Variants in KALRN observed in about 807,000 individuals in gnomAD.
KALRN encodes kalirin RhoGEF kinase, also known as kalirin.
A neutral mutation model predicts 353.7 loss-of-function variants in KALRN; 70 were observed. The ratio of observed to expected loss-of-function variants is 0.20; its 90% CI spans 0.16 to 0.24. The LOEUF (loss-of-function observed/expected upper bound fraction) is 0.24, where lower values mean the gene tolerates loss of function less well. Among genes scored for constraint, KALRN ranks in the 10% least tolerant of loss-of-function variants. The pLI, the probability that KALRN is intolerant of heterozygous loss-of-function variation, is 1.00. For missense variants in KALRN, 2,791 were observed against 3,756.7 expected (o/e 0.74, Z 6.72); for synonymous variants, 1,391 against 1,434.8 (o/e 0.97, Z 0.69).
chr3:124,137,051 GT>G (rs922686045), intron 1 of KALRN, among the ~76,000 whole-genome samples: 35 of 137,830 alleles, frequency 2.5e-4, no homozygotes, highest in African/African-American at 8.7e-4. Context: ...GGAATGGTGT[GT>G]TTGGGAGAGG....
At chr3:124,616,589 T>C (rs28645918) in intron 34 of KALRN, among the ~76,000 whole-genome samples, 20,722 of 152,160 alleles carry the variant, frequency 0.14, 1,714 homozygotes, top group Admixed American at 0.2. Context: ...CATTAGCATA[T>C]TAGAGGTTCC....
intron 37 of KALRN, among the ~76,000 whole-genome samples, chr3:124,644,122 G>A (rs2082418395): frequency 6.6e-6 from 1 of 151,996 alleles, no homozygotes; most frequent in African/African-American, 2.4e-5. Context: ...ACATGTCCCG[G>A]TTTCCTAGCT....
chr3:124,168,206 G>T (rs1039626231), intron 1 of KALRN, among the ~76,000 whole-genome samples: 1 of 152,192 alleles, frequency 6.6e-6, no homozygotes, highest in African/African-American at 2.4e-5. Context: ...AAGATGAAAT[G>T]ATACTGAAAA....
intron 7 of KALRN, among the ~76,000 whole-genome samples, chr3:124,326,738 A>G (rs1362426128): frequency 6.6e-6 from 1 of 152,242 alleles, no homozygotes; most frequent in African/African-American, 2.4e-5. Context: ...CTAAGATCCC[A>G]TGATGTGTTG....
intron 33 of KALRN, among the ~76,000 whole-genome samples, chr3:124,508,311 C>A (rs1341445217): frequency 6.6e-6 from 1 of 152,182 alleles, no homozygotes; most frequent in Non-Finnish European, 1.5e-5. Flanking sequence ...TGGAGGTCAC[C>A]ATTCTCCTTG....
chr3:124,365,634 T>C (rs1318786679), intron 10 of KALRN, among the ~76,000 whole-genome samples: 1 of 152,236 alleles, frequency 6.6e-6, no homozygotes, highest in Non-Finnish European at 1.5e-5. Context: ...GAGTGTTACC[T>C]GTTATCCCTT....
chr3:124,088,204 C>G (rs570156473), intron 1 of KALRN, among the ~76,000 whole-genome samples: 1 of 152,126 alleles, frequency 6.6e-6, no homozygotes, highest in East Asian at 1.9e-4. Flanking sequence ...GCGGATGGTC[C>G]ATCAGGAACT....
intron 1 of KALRN, among the ~76,000 whole-genome samples, chr3:124,040,365 C>T (rs777837297): frequency 6.6e-6 from 1 of 152,086 alleles, no homozygotes; most frequent in Admixed American, 6.5e-5. Context: ...ATGGTATAGC[C>T]CAGTGGTTCT....
intron 33 of KALRN, among the ~76,000 whole-genome samples, chr3:124,561,994 G>C (rs1048328159): frequency 2.0e-5 from 3 of 152,330 alleles, no homozygotes; most frequent in Non-Finnish European, 2.9e-5. Context: ...AGTAGGGGTT[G>C]TTCCTGTCAA....
intron 9 of KALRN, among the ~76,000 whole-genome samples, chr3:124,340,962 A>C (rs896491374): frequency 6.6e-6 from 1 of 152,244 alleles, no homozygotes; most frequent in Non-Finnish European, 1.5e-5. Flanking sequence ...TTTCAAAAAA[A>C]AGAAAAAGAA....
At chr3:124,549,858 C>T (rs1277420471) in intron 33 of KALRN, among the ~76,000 whole-genome samples, 1 of 151,992 alleles carries the variant, frequency 6.6e-6, no homozygotes, top group African/African-American at 2.4e-5. Context: ...AATCCAGAGG[C>T]AGAAATGGCC....
At chr3:124,391,106 A>T (rs1368279097) in intron 11 of KALRN, among the ~76,000 whole-genome samples, 1 of 152,182 alleles carries the variant, frequency 6.6e-6, no homozygotes, top group Admixed American at 6.5e-5. Flanking sequence ...GTAAGAAAGA[A>T]TGCACAAAAC....
intron 33 of KALRN, among the ~76,000 whole-genome samples, chr3:124,532,468 T>C (rs1045521677): frequency 2.6e-5 from 4 of 152,322 alleles, no homozygotes; most frequent in African/African-American, 4.8e-5. Flanking sequence ...TGATCAGGTA[T>C]ATGAGCTTTG....
At chr3:124,708,714 T>C (rs1226002125) in intron 57 of KALRN, among the ~76,000 whole-genome samples, 2 of 152,096 alleles carry the variant, frequency 1.3e-5, no homozygotes, top group Non-Finnish European at 2.9e-5. Context: ...GAAAAAATTT[T>C]TGAAGAAATA....
intron 1 of KALRN, among the ~76,000 whole-genome samples, chr3:124,087,621 C>G (rs10212584): frequency 0.29 from 43,739 of 151,908 alleles, 7,176 homozygotes; most frequent in East Asian, 0.46. Context: ...TTATCATTCT[C>G]ATAATTGTGG....
intron 1 of KALRN, among the ~76,000 whole-genome samples, chr3:124,144,020 T>C (rs1920614): frequency 0.17 from 25,628 of 152,086 alleles, 2,515 homozygotes; most frequent in East Asian, 0.45. Flanking sequence ...GTACCTTTTT[T>C]CTTTTTCTGG....
At chr3:124,364,726 G>A (rs2084447881) in intron 10 of KALRN, among the ~76,000 whole-genome samples, 1 of 152,118 alleles carries the variant, frequency 6.6e-6, no homozygotes, top group Admixed American at 6.5e-5. Context: ...TCTCTCCTCT[G>A]ACTCCCTCCC....
At chr3:124,217,878 T>G (rs2077496885) in intron 1 of KALRN, among the ~76,000 whole-genome samples, 1 of 152,202 alleles carries the variant, frequency 6.6e-6, no homozygotes, top group Non-Finnish European at 1.5e-5. Flanking sequence ...GGTTGTTCCA[T>G]GTATGTGGTG....
chr3:124,384,264 C>G (rs950113810), intron 10 of KALRN, among the ~76,000 whole-genome samples: 2 of 152,254 alleles, frequency 1.3e-5, no homozygotes, highest in African/African-American at 4.8e-5. Context: ...ATTCCCTGGG[C>G]CCGCAGGGAG....
Sources: allele counts gnomAD v4.1 joint callset (sites outside exome capture counted in the v4.1 genomes callset), GRCh38; gene constraint gnomAD v4.1.1; transcripts MANE v1.5; gene names NCBI Gene and HGNC (gene_info 2026-07-23, HGNC 2026-07-21).